Variants in PRDM5 observed in about 807,000 individuals in gnomAD.
PRDM5 encodes PR/SET domain 5.
In PRDM5, 56 loss-of-function variants were observed where a neutral mutation model predicts 81.2. The ratio of observed to expected loss-of-function variants is 0.69; its 90% CI spans 0.56 to 0.86. PRDM5 has a LOEUF of 0.86. Ranked by LOEUF, PRDM5 falls within the 40% of genes least tolerant of loss-of-function variation. The probability of loss-of-function intolerance (pLI) is 0.00; values close to 1 mark genes in which losing one functional copy is unlikely to be tolerated. For missense variants in PRDM5, 697 were observed against 770.1 expected (o/e 0.91, Z 1.12); for synonymous variants, 267 against 256.4 (o/e 1.04, Z -0.39).
intron 2 of PRDM5, among the ~76,000 whole-genome samples, chr4:120,866,089 C>T (rs1049611440): frequency 3.9e-5 from 6 of 152,162 alleles, no homozygotes; most frequent in Non-Finnish European, 5.9e-5. Flanking sequence ...ATTCTTCCAC[C>T]TCCTCATACC....
chr4:120,696,041 C>A (rs1734479322), intron 15 of PRDM5, among the ~76,000 whole-genome samples: 1 of 151,842 alleles, frequency 6.6e-6, no homozygotes, highest in African/African-American at 2.4e-5. Flanking sequence ...CTTGGGAAAA[C>A]CTTACACTGA....
chr4:120,816,908 C>T lies in PRDM5; in HGVS notation c.667G>A (p.Ala223Thr). ...ALQRHVLQCT[A>T]KSSLKESSRS... ...GAAGACTCCTTTAGACTGCTTTTCG[C>T]TGTGCACTGAAGAACACTAAAGGGA... The change falls in exon 6 of 16, where the codon GCG becomes ACG. Residue 223 changes from alanine to threonine, a missense_variant. Coordinates refer to ENST00000264808, the MANE Select transcript of PRDM5 (RefSeq NM_018699.4). 1 of 1,612,964 alleles carries T rather than the reference C, an allele frequency of 6.2e-7. No homozygotes were observed.
chr4:120,742,733 A>T (rs11726349), intron 14 of PRDM5, among the ~76,000 whole-genome samples: 1 of 152,050 alleles, frequency 6.6e-6, no homozygotes, highest in Non-Finnish European at 1.5e-5. Flanking sequence ...TAGAGAAAAA[A>T]GAATAAAAAG....
At chr4:120,722,101 C>T (rs373739219) in intron 14 of PRDM5, among the ~76,000 whole-genome samples, 1 of 152,228 alleles carries the variant, frequency 6.6e-6, no homozygotes, top group South Asian at 2.1e-4. Context: ...TGGGGGCTGC[C>T]GGACTAAGCA....
chr4:120,802,855 G>C (rs541737438), intron 8 of PRDM5, among the ~76,000 whole-genome samples: 1 of 152,324 alleles, frequency 6.6e-6, no homozygotes, highest in African/African-American at 2.4e-5. Flanking sequence ...AAGCTGGATG[G>C]AGAATGACTT....
At chr4:120,846,920 C>T (rs1266393039) in intron 3 of PRDM5, among the ~76,000 whole-genome samples, 1 of 152,080 alleles carries the variant, frequency 6.6e-6, no homozygotes, top group Non-Finnish European at 1.5e-5. Context: ...ACTTACTCAG[C>T]CAGCAAAAGT....
intron 15 of PRDM5, among the ~76,000 whole-genome samples, chr4:120,704,349 CAG>C (rs1257307158): frequency 6.6e-6 from 1 of 152,132 alleles, no homozygotes; most frequent in African/African-American, 2.4e-5. Flanking sequence ...ATTTTACAAA[CAG>C]GGGAGAGCAA....
intron 14 of PRDM5, among the ~76,000 whole-genome samples, chr4:120,729,707 T>C (rs750878735): frequency 1.3e-5 from 2 of 152,256 alleles, no homozygotes; most frequent in Non-Finnish European, 2.9e-5. Flanking sequence ...CTTATTATAA[T>C]GTATTACAAG....
intron 3 of PRDM5, among the ~76,000 whole-genome samples, chr4:120,848,884 C>T (rs1758946487): frequency 6.6e-6 from 1 of 151,968 alleles, no homozygotes; most frequent in African/African-American, 2.4e-5. Flanking sequence ...TGGAAGATAA[C>T]CTATTAAAAG....
chr4:120,772,041 G>A (rs753794985), intron 13 of PRDM5, among the ~76,000 whole-genome samples: 6 of 152,122 alleles, frequency 3.9e-5, no homozygotes, highest in African/African-American at 1.4e-4. Flanking sequence ...CTAGCTAGTG[G>A]CAGGGGGCTA....
chr4:120,917,813 ATG>A lies in PRDM5; in HGVS notation c.93+4701_93+4702del, dbSNP rs372755875. On this transcript the variant is annotated intron_variant, in intron 1 of 15. Transcript: ENST00000264808. ...ACTTATGTTTTTTTTAAAAGTGTGCATGTGTTTGTATATTTGTGGATATAGCA... is the reference window on the plus strand; with the variant it reads ...ACTTATGTTTTTTTTAAAAGTGTGCATGTTTGTATATTTGTGGATATAGCA... Among the ~76,000 whole-genome samples the A allele has an allele frequency of 1.4e-4, 21 of 152,222 alleles. 1 individual carries two copies. In the East Asian group the frequency reaches 3.1e-3, roughly 22 times the overall value.
Position 120,906,837 on chromosome 4 carries a change from A to T in PRDM5, c.177+637T>A, listed in dbSNP as rs1476908598. ...ACAATTAGAACTTCAACTAGTAAAT[A>T]AAAAAAATTAAGTATAATTTTATTT... is the stretch of plus-strand genomic sequence containing the variant. On this transcript the variant is annotated intron_variant, in intron 2 of 15. Coordinates refer to ENST00000264808, the MANE Select transcript of PRDM5 (RefSeq NM_018699.4). Among the ~76,000 whole-genome samples the T allele has an allele frequency of 4.6e-5, 7 of 151,854 alleles. No homozygotes were observed. In the East Asian group the frequency reaches 7.7e-4, roughly 17 times the overall value.
chr4:120,911,587 T>C (rs1184462829), intron 1 of PRDM5, among the ~76,000 whole-genome samples: 2 of 152,244 alleles, frequency 1.3e-5, no homozygotes, highest in Non-Finnish European at 1.5e-5. Flanking sequence ...TTTTGCTGAA[T>C]GTTATTAGTG....
intron 2 of PRDM5, among the ~76,000 whole-genome samples, chr4:120,879,051 A>G (rs1762592197): frequency 6.6e-6 from 1 of 152,226 alleles, no homozygotes; most frequent in Non-Finnish European, 1.5e-5. Flanking sequence ...TACCCAAGTG[A>G]GTTGAAAATT....
At chr4:120,697,963 TA>T (rs5861482) in intron 15 of PRDM5, among the ~76,000 whole-genome samples, 14,088 of 117,742 alleles carry the variant, frequency 0.12, 760 homozygotes, top group Admixed American at 0.17. Flanking sequence ...TAAAATAAAA[TA>T]AAAAAAAAGA....
At chr4:120,836,003 C>G (rs1757312638) in intron 3 of PRDM5, among the ~76,000 whole-genome samples, 1 of 151,994 alleles carries the variant, frequency 6.6e-6, no homozygotes, top group Non-Finnish European at 1.5e-5. Context: ...AGAGAACAAA[C>G]AGAAGGCCAG....
chr4:120,911,479 G>A (rs1349490778), intron 1 of PRDM5, among the ~76,000 whole-genome samples: 2 of 152,202 alleles, frequency 1.3e-5, no homozygotes, highest in East Asian at 1.9e-4. Flanking sequence ...GAATAAAGCA[G>A]ATAATTAATC....
At chr4:120,882,013 TC>T (rs1214614982) in intron 2 of PRDM5, among the ~76,000 whole-genome samples, 1 of 152,250 alleles carries the variant, frequency 6.6e-6, no homozygotes, top group Admixed American at 6.5e-5. Flanking sequence ...ATTGTGGGCC[TC>T]TTGGACCACA....
chr4:120,904,197 A>AAAAAAAAAAAAAC lies in PRDM5; in HGVS notation c.177+3276_177+3277insGTTTTTTTTTTTT, dbSNP rs1164103618. On this transcript the variant is annotated intron_variant, in intron 2 of 15. Transcript: ENST00000264808. ...AGAGGGAGACTCCTTCTCAAAAAAA[A>AAAAAAAAAAAAAC]AAAAAAAACAAAAAAACCTCCTTCC... 3.4e-5 allele frequency among the ~76,000 whole-genome samples: 5 copies of AAAAAAAAAAAAAC among 145,306 alleles called. 1 individual carries two copies. The highest frequency in any genetic ancestry group is 1.0e-4 in the African/African-American group (4 of 39,160).
Sources: gnomAD v4.1 joint callset for allele counts (sites outside exome capture counted in the v4.1 genomes callset) on GRCh38, gnomAD v4.1.1 for gene constraint, MANE v1.5 for transcripts, NCBI Gene and HGNC (gene_info 2026-07-23, HGNC 2026-07-21) for gene names.